Variants in NKAIN3 observed in about 807,000 individuals in gnomAD.
The protein encoded by NKAIN3 is sodium/potassium transporting ATPase interacting 3.
A neutral mutation model predicts 30.2 loss-of-function variants in NKAIN3; 25 were observed. The ratio of observed to expected loss-of-function variants is 0.83; its 90% CI spans 0.60 to 1.16. NKAIN3 has a LOEUF of 1.16. Among genes scored for constraint, NKAIN3 ranks in the 50% most tolerant of loss-of-function variants. NKAIN3 has a pLI of 0.00. For synonymous variants in NKAIN3, 91 were observed against 89.6 expected (o/e 1.02, Z -0.09); for missense variants, 225 against 254.1 (o/e 0.89, Z 0.78).
chr8:62,741,774 C>T (rs1396092519), intron 3 of NKAIN3, among the ~76,000 whole-genome samples: 3 of 152,030 alleles, frequency 2.0e-5, no homozygotes, highest in African/African-American at 4.8e-5. Flanking sequence ...TAAATTTGTA[C>T]GCTTTGCTCT....
chr8:62,718,351 T>C (rs1226849655), intron 3 of NKAIN3, among the ~76,000 whole-genome samples: 1 of 152,228 alleles, frequency 6.6e-6, no homozygotes, highest in Non-Finnish European at 1.5e-5. Context: ...ACATATTTAA[T>C]AGTATGTAAT....
chr8:62,953,943 G>C lies in NKAIN3; in HGVS notation c.574G>C (p.Asp192His). ...GGLDTHSYYQ[D>H]HVELKPVKPV... ...ACTTGATACACACTCCTACTACCAGGATCATGTTGAGTTAAAGCCTGTTAA... is the reference window on the plus strand; with the variant it reads ...ACTTGATACACACTCCTACTACCAGCATCATGTTGAGTTAAAGCCTGTTAA... Residue 192 changes from aspartate (D) to histidine (H), a missense_variant, in exon 6 of 7, where the codon GAT becomes CAT. Coordinates refer to ENST00000623646, the MANE Select transcript of NKAIN3 (RefSeq NM_001304533.3). 1.0e-6 allele frequency: 1 copy of C among 981,294 alleles called. No homozygotes were observed. The highest frequency in any genetic ancestry group is 1.2e-6 in the Non-Finnish European group (1 of 825,868). 60.8% of individuals were successfully genotyped at this position (981,294 alleles called of 1,614,324 possible). A position where few individuals can be genotyped will look rare whatever the true frequency, so the allele number is the denominator to read the frequency against.
intron 1 of NKAIN3, among the ~76,000 whole-genome samples, chr8:62,409,008 A>G (rs1325954916): frequency 6.6e-6 from 1 of 152,156 alleles, no homozygotes; most frequent in East Asian, 1.9e-4. Context: ...TTGAAGAATT[A>G]TTACTCTCTG....
chr8:62,519,339 AG>A (rs1187371342), intron 1 of NKAIN3, among the ~76,000 whole-genome samples: 3 of 152,114 alleles, frequency 2.0e-5, no homozygotes, highest in Non-Finnish European at 4.4e-5. Context: ...CTGTTTATAC[AG>A]GCCAAATTCA....
At chr8:62,802,569 G>T (rs1586212244) in intron 4 of NKAIN3, among the ~76,000 whole-genome samples, 1 of 152,268 alleles carries the variant, frequency 6.6e-6, no homozygotes, top group Admixed American at 6.5e-5. Flanking sequence ...AATGTGGAGA[G>T]ATTTTGTCAC....
At chr8:62,439,838 T>A (rs1004504898) in intron 1 of NKAIN3, among the ~76,000 whole-genome samples, 2 of 152,214 alleles carry the variant, frequency 1.3e-5, no homozygotes, top group East Asian at 3.9e-4. Flanking sequence ...GTTCTGGGCA[T>A]GTGCTTGTAT....
At chr8:62,687,002 CA>C (rs1563516331) in intron 3 of NKAIN3, among the ~76,000 whole-genome samples, 1 of 152,084 alleles carries the variant, frequency 6.6e-6, no homozygotes, top group South Asian at 2.1e-4. Flanking sequence ...TTACTTGTAT[CA>C]AACAATATAA....
chr8:62,879,419 T>G (rs911854531), intron 4 of NKAIN3, among the ~76,000 whole-genome samples: 2 of 152,188 alleles, frequency 1.3e-5, no homozygotes, highest in Non-Finnish European at 2.9e-5. Flanking sequence ...TTAGCCCTTT[T>G]CCAGATGAGT....
chr8:62,697,683 T>C lies in NKAIN3; in HGVS notation c.274-49249T>C, dbSNP rs145759166. On this transcript the variant is annotated intron_variant, in intron 3 of 6. Transcript: ENST00000623646. ...GTCTATTTTAGTTGATGTTTGTTGA[T>C]TAATTTCAAAATGGTGTCTGTCACA... Among the ~76,000 whole-genome samples the C allele has an allele frequency of 3.3e-5, 5 of 152,362 alleles. No individual in the cohort carries two copies. In the East Asian group the frequency reaches 9.6e-4, roughly 29 times the overall value.
At chr8:62,888,917 C>A (rs967948616) in intron 4 of NKAIN3, among the ~76,000 whole-genome samples, 1 of 152,046 alleles carries the variant, frequency 6.6e-6, no homozygotes, top group African/African-American at 2.4e-5. Context: ...TTTAATGAGA[C>A]CTTCTTACCT....
At chr8:62,897,632 T>C (rs554694170) in intron 4 of NKAIN3, among the ~76,000 whole-genome samples, 1 of 152,280 alleles carries the variant, frequency 6.6e-6, no homozygotes, top group African/African-American at 2.4e-5. Flanking sequence ...AAAACTCATG[T>C]TGAAATTTGT....
chr8:62,926,191 T>C (rs775356748), intron 5 of NKAIN3, among the ~76,000 whole-genome samples: 4 of 152,144 alleles, frequency 2.6e-5, no homozygotes, highest in Non-Finnish European at 5.9e-5. Flanking sequence ...CTGTAAGGAT[T>C]TCATGAGGAT....
chr8:62,951,115 T>C (rs1473918548), intron 5 of NKAIN3, among the ~76,000 whole-genome samples: 2 of 152,026 alleles, frequency 1.3e-5, no homozygotes, highest in African/African-American at 4.8e-5. Flanking sequence ...GATATGTACT[T>C]GGATAGGAGT....
chr8:62,361,075 C>T (rs1191757318), intron 1 of NKAIN3, among the ~76,000 whole-genome samples: 2 of 151,638 alleles, frequency 1.3e-5, no homozygotes, highest in Non-Finnish European at 2.9e-5. Flanking sequence ...AGCACCAAAC[C>T]CCCGCATCAC....
At chr8:62,880,228 A>G (rs1224880542) in intron 4 of NKAIN3, among the ~76,000 whole-genome samples, 8 of 152,204 alleles carry the variant, frequency 5.3e-5, no homozygotes, top group Admixed American at 4.6e-4. Context: ...AACACATGTA[A>G]TAAGTGGTAA....
intron 4 of NKAIN3, among the ~76,000 whole-genome samples, chr8:62,896,394 A>G (rs962240992): frequency 1.3e-5 from 2 of 152,140 alleles, no homozygotes; most frequent in Non-Finnish European, 2.9e-5. Context: ...ACAAGCATTC[A>G]GTTCATAACA....
intron 2 of NKAIN3, among the ~76,000 whole-genome samples, chr8:62,579,995 G>A (rs1035300315): frequency 1.1e-4 from 17 of 152,090 alleles, no homozygotes; most frequent in African/African-American, 3.9e-4. Context: ...CTTGGTAATA[G>A]GATAGTTAGA....
chr8:62,759,059 C>A (rs1335205268), intron 4 of NKAIN3, among the ~76,000 whole-genome samples: 1 of 152,044 alleles, frequency 6.6e-6, no homozygotes, highest in African/African-American at 2.4e-5. Context: ...TTTTCTATAA[C>A]CTGTAAAACA....
intron 5 of NKAIN3, among the ~76,000 whole-genome samples, chr8:62,929,553 G>A (rs1822556252): frequency 2.0e-5 from 3 of 152,184 alleles, no homozygotes; most frequent in Non-Finnish European, 4.4e-5. Context: ...TCCTAACTGA[G>A]ACAAGAAAGT....
Sources: allele counts gnomAD v4.1 joint callset (sites outside exome capture counted in the v4.1 genomes callset), GRCh38; gene constraint gnomAD v4.1.1; transcripts MANE v1.5; gene names NCBI Gene and HGNC (gene_info 2026-07-23, HGNC 2026-07-21).